EPHB1: variants seen among roughly 807,000 people sequenced by gnomAD.
The protein encoded by EPHB1 is EPH receptor B1.
In EPHB1, 30 loss-of-function variants were observed where a neutral mutation model predicts 94.4. The ratio of observed to expected loss-of-function variants is 0.32; its 90% CI spans 0.24 to 0.43. The LOEUF is 0.43. Among genes scored for constraint, EPHB1 ranks in the 20% least tolerant of loss-of-function variants. The pLI is 1.00. For synonymous variants in EPHB1, 522 were observed against 489.1 expected, an observed-to-expected ratio of 1.07 and a Z score of -0.89; for missense variants, 1,055 against 1,308.3, an observed-to-expected ratio of 0.81 and a Z score of 2.99.
intron 3 of EPHB1, among the ~76,000 whole-genome samples, chr3:135,044,335 G>A (rs932755082): frequency 2.0e-5 from 3 of 152,192 alleles, no homozygotes; most frequent in Admixed American, 2.0e-4. Flanking sequence ...TCCTGGCAGG[G>A]AGTGGCTCTG....
intron 12 of EPHB1, among the ~76,000 whole-genome samples, chr3:135,238,748 T>A (rs2400511): frequency 0.39 from 59,554 of 150,836 alleles, 11,867 homozygotes; most frequent in South Asian, 0.54. Flanking sequence ...TCTCTCTCTC[T>A]CACACACACA....
At chr3:135,158,623 T>C (rs1007033882) in intron 6 of EPHB1, among the ~76,000 whole-genome samples, 29 of 152,152 alleles carry the variant, frequency 1.9e-4, no homozygotes, top group African/African-American at 6.5e-4. Context: ...TTTTGCTTCC[T>C]CCACCAGCTC....
chr3:134,914,125 T>G (rs541566618), intron 1 of EPHB1, among the ~76,000 whole-genome samples: 1 of 152,260 alleles, frequency 6.6e-6, no homozygotes, highest in South Asian at 2.1e-4. Flanking sequence ...GAGCCAGGCT[T>G]TCAGGGCCCA....
At chr3:135,033,937 A>G (rs1232904827) in intron 3 of EPHB1, among the ~76,000 whole-genome samples, 1 of 152,116 alleles carries the variant, frequency 6.6e-6, no homozygotes, top group African/African-American at 2.4e-5. Context: ...CCTTTTGTAG[A>G]TCCTGCTGCA....
At position 135,050,956 on chromosome 3, in the gene EPHB1, G is replaced by A. The variant is rs965925554; in HGVS notation, c.806-55492G>A. Among the ~76,000 whole-genome samples, 12 of 150,832 alleles carry A rather than the reference G, an allele frequency of 8.0e-5. No homozygotes were observed. The South Asian group carries it at 8.4e-4, about 11-fold the overall frequency. On this transcript the variant is annotated intron_variant, in intron 3 of 15. Coordinates refer to ENST00000398015, the MANE Select transcript of EPHB1 (RefSeq NM_004441.5). ...TGTGTGTGTGTGTGTGTTTAAGAAC[G>A]GAGGTTTAATAGACAAAAGAAAGAG... is the stretch of plus-strand genomic sequence containing the variant.
chr3:135,129,502 G>A (rs1022099198), intron 4 of EPHB1, among the ~76,000 whole-genome samples: 1 of 152,200 alleles, frequency 6.6e-6, no homozygotes, highest in Admixed American at 6.5e-5. Flanking sequence ...CTGGAGAGGG[G>A]TATATACATG....
intron 1 of EPHB1, among the ~76,000 whole-genome samples, chr3:134,823,292 G>A (rs541295683): frequency 6.6e-6 from 1 of 152,344 alleles, no homozygotes; most frequent in African/African-American, 2.4e-5. Context: ...CGCAGGAGCA[G>A]TGGACAGTGA....
chr3:134,889,770 C>T (rs1578173138), intron 1 of EPHB1, among the ~76,000 whole-genome samples: 1 of 151,742 alleles, frequency 6.6e-6, no homozygotes, highest in Non-Finnish European at 1.5e-5. Context: ...CGCCGCCTTC[C>T]GGGTTCATGC....
chr3:134,936,408 C>T (rs2039001952), intron 2 of EPHB1, among the ~76,000 whole-genome samples: 1 of 152,128 alleles, frequency 6.6e-6, no homozygotes, highest in African/African-American at 2.4e-5. Flanking sequence ...ATGTCCGGCT[C>T]CGGGCAGTGA....
At chr3:135,197,151 G>A (rs1942643395) in intron 11 of EPHB1, among the ~76,000 whole-genome samples, 1 of 151,898 alleles carries the variant, frequency 6.6e-6, no homozygotes, top group South Asian at 2.1e-4. Flanking sequence ...AACAATTCCT[G>A]AAGCTGTGAC....
chr3:134,976,693 C>T (rs759191610), intron 3 of EPHB1, among the ~76,000 whole-genome samples: 3 of 152,040 alleles, frequency 2.0e-5, no homozygotes, highest in Non-Finnish European at 4.4e-5. Flanking sequence ...CCATAAACAA[C>T]CTTATATGCA....
chr3:135,034,981 C>A (rs930667388), intron 3 of EPHB1, among the ~76,000 whole-genome samples: 2 of 152,198 alleles, frequency 1.3e-5, no homozygotes, highest in African/African-American at 2.4e-5. Flanking sequence ...GTATGAAAGG[C>A]GGAGAAGAAA....
chr3:134,974,514 A>G (rs1048496228), intron 3 of EPHB1, among the ~76,000 whole-genome samples: 2 of 152,202 alleles, frequency 1.3e-5, no homozygotes, highest in Non-Finnish European at 2.9e-5. Flanking sequence ...TTCAGTATGT[A>G]TTAGCTGTTA....
At chr3:135,015,830 G>A (rs1317536973) in intron 3 of EPHB1, among the ~76,000 whole-genome samples, 2 of 152,172 alleles carry the variant, frequency 1.3e-5, no homozygotes, top group East Asian at 3.9e-4. Context: ...CTGAGCTAAG[G>A]CCAGAAAAAT....
At chr3:135,058,894 G>T (rs577364929) in intron 3 of EPHB1, among the ~76,000 whole-genome samples, 1 of 152,326 alleles carries the variant, frequency 6.6e-6, no homozygotes, top group Non-Finnish European at 1.5e-5. Flanking sequence ...GGAGGGTTTA[G>T]TATGAACCCT....
In EPHB1 at chr3:134,831,033, A is replaced by G. The variant is rs188559776; in HGVS notation, c.58+35344A>G. Among the ~76,000 whole-genome samples, 353 of 152,318 alleles carry G rather than the reference A, an allele frequency of 2.3e-3. 2 individuals are homozygous for G. The highest frequency in any genetic ancestry group is 3.9e-3 in the Non-Finnish European group (268 of 68,024). ...ACTTCCTACTGTCATGCAAGCTCCC[A>G]GGAATATGTAGCTTCTAGCATCTTC... On this transcript the variant is annotated intron_variant, in intron 1 of 15. Transcript: ENST00000398015.
chr3:135,146,064 G>A (rs1031510242), intron 5 of EPHB1, among the ~76,000 whole-genome samples: 17 of 152,270 alleles, frequency 1.1e-4, no homozygotes, highest in African/African-American at 3.1e-4. Context: ...TGAGCACCTC[G>A]GAAGGTAGAT....
intron 2 of EPHB1, among the ~76,000 whole-genome samples, chr3:134,941,112 T>G (rs1244234558): frequency 3.9e-5 from 6 of 152,224 alleles, no homozygotes; most frequent in African/African-American, 1.4e-4. Context: ...ATGATAGTCA[T>G]TGGGCATTCT....
chr3:134,973,246 C>G (rs1168596289), intron 3 of EPHB1, among the ~76,000 whole-genome samples: 1 of 152,106 alleles, frequency 6.6e-6, no homozygotes, highest in Non-Finnish European at 1.5e-5. Flanking sequence ...CACTGGCTCC[C>G]TTGCCTTCTT....
Sources: gnomAD v4.1 joint callset for allele counts (sites outside exome capture counted in the v4.1 genomes callset) on GRCh38, gnomAD v4.1.1 for gene constraint, MANE v1.5 for transcripts, NCBI Gene and HGNC (gene_info 2026-07-23, HGNC 2026-07-21) for gene names.